Variants in CDK14 observed in about 807,000 individuals in gnomAD.
CDK14 encodes the protein cyclin-dependent kinase 14.
CDK14 carries 34 observed loss-of-function variants against 60.7 expected under a neutral mutation model. The ratio of observed to expected loss-of-function variants is 0.56; its 90% confidence interval spans 0.43 to 0.75. CDK14 has a LOEUF of 0.75. Among genes scored for constraint, CDK14 ranks in the 30% least tolerant of loss-of-function variants. The pLI is 0.00. For synonymous variants in CDK14, 197 were observed against 203.7 expected (o/e 0.97, Z 0.28); for missense variants, 482 against 564.1 (o/e 0.85, Z 1.47).
At position 91,207,304 on chromosome 7, in the gene CDK14, G is replaced by C. The variant is rs1018147083; in HGVS notation, c.*168G>C. Reference sequence around the variant, plus strand: ...AGAAAATTGAAGCTGGCAAGACCCTGTTTTCTCTGCAATTTATTTAAAACC... The same window carrying C: ...AGAAAATTGAAGCTGGCAAGACCCTCTTTTCTCTGCAATTTATTTAAAACC... On this transcript the variant is annotated 3_prime_UTR_variant, in exon 15 of 15. Transcript: ENST00000380050. 3 of 152,116 alleles carry C rather than the reference G, an allele frequency of 2.0e-5. No individual in the cohort carries two copies. The highest frequency in any genetic ancestry group is 6.5e-5 in the Admixed American group (1 of 15,278). The allele number at this position is 152,116 out of a possible 1,614,324, so 9.4% of individuals were successfully genotyped here. A position where few individuals can be genotyped will look rare whatever the true frequency, so the allele number is the denominator to read the frequency against.
intron 6 of CDK14, among the ~76,000 whole-genome samples, chr7:90,888,823 T>C (rs1562814595): frequency 6.6e-6 from 1 of 152,244 alleles, no homozygotes; most frequent in East Asian, 1.9e-4. Context: ...CTCATTCCTC[T>C]AAAAAATCAG....
chr7:90,673,216 C>T (rs1349274029), intron 2 of CDK14, among the ~76,000 whole-genome samples: 2 of 152,120 alleles, frequency 1.3e-5, no homozygotes, highest in East Asian at 3.8e-4. Flanking sequence ...GGCTCTATGG[C>T]AGTGTTTCTT....
chr7:91,188,932 G>A (rs956934096), intron 14 of CDK14, among the ~76,000 whole-genome samples: 55 of 151,962 alleles, frequency 3.6e-4, no homozygotes, highest in African/African-American at 1.3e-3. Flanking sequence ...GCCCAAAAGC[G>A]TGTTGTTGTT....
chr7:90,678,857 A>G (rs1303564242), intron 2 of CDK14, among the ~76,000 whole-genome samples: 2 of 152,244 alleles, frequency 1.3e-5, no homozygotes, highest in African/African-American at 4.8e-5. Context: ...TTGAGATAAG[A>G]AGAACAAGAG....
chr7:90,969,137 C>T (rs1199640689), intron 9 of CDK14, among the ~76,000 whole-genome samples: 2 of 152,186 alleles, frequency 1.3e-5, no homozygotes, highest in Non-Finnish European at 2.9e-5. Flanking sequence ...CCCTGTTAAT[C>T]TGTACCGGAA....
rs571901443 is a variant in CDK14, at chr7:90,728,955, A to G, written c.369+2143A>G. Among the ~76,000 whole-genome samples, 3 of 152,066 alleles carry G rather than the reference A, an allele frequency of 2.0e-5. No individual in the cohort carries two copies. In the East Asian group the frequency reaches 5.8e-4, roughly 29 times the overall value. On this transcript the variant is annotated intron_variant, in intron 3 of 14. Coordinates refer to ENST00000380050, the MANE Select transcript of CDK14 (RefSeq NM_001287135.2). The stretch of plus-strand genomic sequence containing the variant: ...TTACCCAATTTATTTTTTTTAGGAC[A>G]TATAAACCTAGCTGTCACTATTCTG...
intron 10 of CDK14, among the ~76,000 whole-genome samples, chr7:91,034,971 C>G (rs1796878268): frequency 6.6e-6 from 1 of 151,790 alleles, no homozygotes; most frequent in African/African-American, 2.4e-5. Flanking sequence ...CACACACACA[C>G]ACACACATTG....
intron 14 of CDK14, among the ~76,000 whole-genome samples, chr7:91,184,936 A>G (rs1335170154): frequency 6.6e-6 from 1 of 151,852 alleles, no homozygotes; most frequent in Non-Finnish European, 1.5e-5. Context: ...TCTCCTAGCC[A>G]CAAATCCTAG....
intron 8 of CDK14, among the ~76,000 whole-genome samples, chr7:90,944,745 CAT>C (rs1381651755): frequency 1.3e-5 from 2 of 152,142 alleles, no homozygotes; most frequent in East Asian, 1.9e-4. Context: ...AAAGGAAAAA[CAT>C]GTGGCCTTAT....
chr7:90,605,853 C>T (rs1476398961), intron 2 of CDK14, among the ~76,000 whole-genome samples: 5 of 152,250 alleles, frequency 3.3e-5, no homozygotes, highest in African/African-American at 9.6e-5. Flanking sequence ...TTAGGCATTT[C>T]GAAAACCTTT....
At chr7:90,608,475 T>C (rs1799467950) in intron 2 of CDK14, 4 of 713,420 alleles carry the variant, frequency 5.6e-6, no homozygotes, top group Non-Finnish European at 6.9e-6. Flanking sequence ...ATTGTTCTCA[T>C]GGGTAAATTA....
At chr7:90,855,352 C>T (rs1790786923) in intron 5 of CDK14, among the ~76,000 whole-genome samples, 1 of 152,068 alleles carries the variant, frequency 6.6e-6, no homozygotes, top group Non-Finnish European at 1.5e-5. Context: ...ATTATAGTTC[C>T]ATATTGTATA....
At chr7:91,203,604 G>A (rs1254376066) in intron 14 of CDK14, among the ~76,000 whole-genome samples, 1 of 152,168 alleles carries the variant, frequency 6.6e-6, no homozygotes, top group African/African-American at 2.4e-5. Flanking sequence ...TTTGGATATA[G>A]TTGTAGGAAC....
intron 10 of CDK14, among the ~76,000 whole-genome samples, chr7:90,989,093 C>G (rs1192661371): frequency 6.6e-6 from 1 of 151,574 alleles, no homozygotes; most frequent in East Asian, 1.9e-4. Context: ...TGGATTATTC[C>G]TTAAGCCGCT....
intron 5 of CDK14, among the ~76,000 whole-genome samples, chr7:90,841,311 A>G (rs1195001479): frequency 1.3e-5 from 2 of 152,156 alleles, no homozygotes; most frequent in African/African-American, 2.4e-5. Flanking sequence ...TGAATAAAAA[A>G]GTGATCAATT....
intron 5 of CDK14, among the ~76,000 whole-genome samples, chr7:90,859,854 T>G (rs567833546): frequency 3.2e-4 from 49 of 152,290 alleles, no homozygotes; most frequent in Admixed American, 9.8e-4. Context: ...GGGCCACCAG[T>G]GTCAGCAACT....
intron 11 of CDK14, among the ~76,000 whole-genome samples, chr7:91,050,893 G>A (rs1242958957): frequency 6.6e-6 from 1 of 152,182 alleles, no homozygotes. Context: ...AGAGGTGAAA[G>A]TAGATCCCAT....
At chr7:90,653,266 CCT>C (rs928353730) in intron 2 of CDK14, among the ~76,000 whole-genome samples, 5 of 152,020 alleles carry the variant, frequency 3.3e-5, no homozygotes, top group Non-Finnish European at 7.4e-5. Flanking sequence ...CCACAACCCC[CCT>C]CTGTTTCTTC....
intron 5 of CDK14, among the ~76,000 whole-genome samples, chr7:90,815,759 C>G (rs559240503): frequency 4.7e-4 from 71 of 152,306 alleles, no homozygotes; most frequent in African/African-American, 1.6e-3. Context: ...GAGTTCATGT[C>G]TTTTGCAGGG....
Sources: gnomAD v4.1 joint callset for allele counts (sites outside exome capture counted in the v4.1 genomes callset) on GRCh38, gnomAD v4.1.1 for gene constraint, MANE v1.5 for transcripts, NCBI Gene and HGNC (gene_info 2026-07-23, HGNC 2026-07-21) for gene names.